PALM2AKAP2: variants seen among roughly 807,000 people sequenced by gnomAD.
The protein encoded by PALM2AKAP2 is PALM2-AKAP2 fusion protein.
PALM2AKAP2 carries 37 observed loss-of-function variants against 71.5 expected under a neutral mutation model. The ratio of observed to expected loss-of-function variants is 0.52; its 90% CI spans 0.40 to 0.68. The LOEUF is 0.68. Among genes scored for constraint, PALM2AKAP2 ranks in the 30% least tolerant of loss-of-function variants. The pLI is 0.00. For synonymous variants in PALM2AKAP2, 468 were observed against 478.8 expected (o/e 0.98, Z 0.29); for missense variants, 1,224 against 1,191.8 (o/e 1.03, Z -0.40).
chr9:110,016,240 A>G (rs761534880), intron 7 of PALM2AKAP2, among the ~76,000 whole-genome samples: 31 of 152,146 alleles, frequency 2.0e-4, no homozygotes, highest in Non-Finnish European at 7.4e-5. Flanking sequence ...ACCACCCTGA[A>G]TATGCCCGAC....
At chr9:109,755,612 T>C (rs1828947045) in intron 1 of PALM2AKAP2, among the ~76,000 whole-genome samples, 1 of 152,064 alleles carries the variant, frequency 6.6e-6, no homozygotes, top group Non-Finnish European at 1.5e-5. Flanking sequence ...ATCATGCCAC[T>C]GCACTCCAGC....
At chr9:109,707,019 C>T (rs915061676) in intron 1 of PALM2AKAP2, among the ~76,000 whole-genome samples, 2 of 152,164 alleles carry the variant, frequency 1.3e-5, no homozygotes, top group Admixed American at 6.5e-5. Flanking sequence ...TTGACTAGTA[C>T]ACTAAGTGAG....
chr9:109,959,824 T>C (rs1421817895), intron 6 of PALM2AKAP2, among the ~76,000 whole-genome samples: 2 of 152,072 alleles, frequency 1.3e-5, no homozygotes, highest in Middle Eastern at 3.2e-3. Flanking sequence ...TCATTGAATG[T>C]TGGAAGGAGA....
chr9:109,658,201 G>A (rs1827336170), intron 1 of PALM2AKAP2, among the ~76,000 whole-genome samples: 1 of 151,918 alleles, frequency 6.6e-6, no homozygotes, highest in Non-Finnish European at 1.5e-5. Flanking sequence ...TTGTGTTCAG[G>A]GAGGTTCAGG....
intron 1 of PALM2AKAP2, among the ~76,000 whole-genome samples, chr9:109,738,811 T>C (rs1184643213): frequency 6.6e-6 from 1 of 152,248 alleles, no homozygotes; most frequent in Non-Finnish European, 1.5e-5. Context: ...TTTGGCATCT[T>C]TGATTAAAAA....
chr9:109,757,770 A>G (rs935770447), intron 1 of PALM2AKAP2, among the ~76,000 whole-genome samples: 5 of 152,078 alleles, frequency 3.3e-5, no homozygotes, highest in Non-Finnish European at 7.4e-5. Flanking sequence ...CCAAAAATGT[A>G]TAGGCTTGTC....
intron 6 of PALM2AKAP2, among the ~76,000 whole-genome samples, chr9:109,983,663 G>A (rs1387592212): frequency 1.3e-5 from 2 of 152,054 alleles, no homozygotes; most frequent in Admixed American, 6.6e-5. Context: ...CTAGGAGTTC[G>A]AGACCAGCCT....
exon 2 of PALM2AKAP2, chr9:110,137,183 A>G: frequency 1.2e-6 from 2 of 1,614,012 alleles, no homozygotes; most frequent in Middle Eastern, 1.6e-4. Context: ...AAAGGAGGAC[A>G]TTGTCACAGA....
At chr9:109,740,793 A>G (rs1423249213) in intron 1 of PALM2AKAP2, among the ~76,000 whole-genome samples, 2 of 152,190 alleles carry the variant, frequency 1.3e-5, no homozygotes, top group Non-Finnish European at 2.9e-5. Flanking sequence ...AGCTGGGACT[A>G]CAGGCGTGTG....
chr9:110,104,805 G>C (rs1050262066), intron 1 of PALM2AKAP2, among the ~76,000 whole-genome samples: 1 of 152,214 alleles, frequency 6.6e-6, no homozygotes, highest in Admixed American at 6.5e-5. Flanking sequence ...GAAACGTAAT[G>C]ATGATAGCTC....
intron 1 of PALM2AKAP2, among the ~76,000 whole-genome samples, chr9:110,134,662 C>CT (rs1835807064): frequency 6.6e-6 from 1 of 152,160 alleles, no homozygotes; most frequent in East Asian, 1.9e-4. Flanking sequence ...TAATTATCCA[C>CT]TTTTTTGGGA....
intron 6 of PALM2AKAP2, among the ~76,000 whole-genome samples, chr9:109,992,126 A>G (rs60340402): frequency 0.013 from 2,055 of 152,244 alleles, 43 homozygotes; most frequent in East Asian, 0.04. Flanking sequence ...AGGTGTTGGT[A>G]GGGCTATACT....
intron 7 of PALM2AKAP2, among the ~76,000 whole-genome samples, chr9:110,035,531 A>G (rs1417546741): frequency 6.9e-6 from 1 of 144,836 alleles, no homozygotes; most frequent in African/African-American, 2.5e-5. Context: ...TATAACATAT[A>G]TAGGATATGT....
chr9:109,724,576 G>T (rs950532562), intron 1 of PALM2AKAP2, among the ~76,000 whole-genome samples: 2 of 152,182 alleles, frequency 1.3e-5, no homozygotes, highest in African/African-American at 2.4e-5. Flanking sequence ...AACAAATCTT[G>T]TGTATAGTTA....
chr9:109,712,857 T>G (rs1247628219), intron 1 of PALM2AKAP2, among the ~76,000 whole-genome samples: 1 of 152,226 alleles, frequency 6.6e-6, no homozygotes, highest in Non-Finnish European at 1.5e-5. Context: ...ATTTCCACTG[T>G]TAGACCATGA....
chr9:109,758,823 T>C (rs572543126), intron 1 of PALM2AKAP2, among the ~76,000 whole-genome samples: 4 of 152,212 alleles, frequency 2.6e-5, no homozygotes, highest in Non-Finnish European at 5.9e-5. Flanking sequence ...TTCCTACAAT[T>C]TGAGTCTCAT....
chr9:109,955,284 A>G (rs951170630), intron 6 of PALM2AKAP2, among the ~76,000 whole-genome samples: 2 of 152,196 alleles, frequency 1.3e-5, no homozygotes, highest in Non-Finnish European at 2.9e-5. Context: ...AGTTTTGAAC[A>G]GGCTACAAGC....
intron 1 of PALM2AKAP2, among the ~76,000 whole-genome samples, chr9:109,862,046 G>T (rs1829324832): frequency 6.6e-6 from 1 of 152,138 alleles, no homozygotes; most frequent in African/African-American, 2.4e-5. Context: ...TTGTCCTCAA[G>T]GAGCCCATAG....
At chr9:109,692,244 T>C (rs1344475293) in intron 1 of PALM2AKAP2, among the ~76,000 whole-genome samples, 1 of 151,814 alleles carries the variant, frequency 6.6e-6, no homozygotes, top group African/African-American at 2.4e-5. Flanking sequence ...TTACATATAG[T>C]ATCATAGTTG....
Sources: gnomAD v4.1 joint callset for allele counts (sites outside exome capture counted in the v4.1 genomes callset) on GRCh38, gnomAD v4.1.1 for gene constraint, MANE v1.5 for transcripts, NCBI Gene and HGNC (gene_info 2026-07-23, HGNC 2026-07-21) for gene names.